RASAL2: variants seen among roughly 807,000 people sequenced by gnomAD.
RASAL2 encodes RAS protein activator like 2.
In RASAL2, 58 loss-of-function variants were observed where a neutral mutation model predicts 128.9. The ratio of observed to expected loss-of-function variants is 0.45; its 90% CI spans 0.36 to 0.56. RASAL2 has a LOEUF of 0.56. Among genes scored for constraint, RASAL2 ranks in the 20% least tolerant of loss-of-function variants. The pLI is 0.00. For synonymous variants in RASAL2, 561 were observed against 580.8 expected, an observed-to-expected ratio of 0.97 and a Z score of 0.49; for missense variants, 1,360 against 1,601.6, an observed-to-expected ratio of 0.85 and a Z score of 2.57.
intron 3 of RASAL2, among the ~76,000 whole-genome samples, chr1:178,370,651 C>T (rs1003729102): frequency 6.6e-6 from 1 of 152,156 alleles, no homozygotes; most frequent in Non-Finnish European, 1.5e-5. Context: ...CCTGGCATCT[C>T]CTGCCAGTGT....
intron 3 of RASAL2, among the ~76,000 whole-genome samples, chr1:178,345,321 C>CT (rs1179680253): frequency 2.0e-5 from 3 of 152,080 alleles, no homozygotes; most frequent in African/African-American, 7.2e-5. Flanking sequence ...TCTGCTTGCT[C>CT]TTTCTAATGT....
chr1:178,259,316 A>C (rs1284938627), intron 1 of RASAL2, among the ~76,000 whole-genome samples: 1 of 151,152 alleles, frequency 6.6e-6, no homozygotes, highest in Non-Finnish European at 1.5e-5. Flanking sequence ...TATTTTTAGT[A>C]GAGACGGGGT....
At chr1:178,103,401 G>A (rs1419406939) in intron 1 of RASAL2, among the ~76,000 whole-genome samples, 1 of 152,010 alleles carries the variant, frequency 6.6e-6, no homozygotes, top group Non-Finnish European at 1.5e-5. Flanking sequence ...AAAATACATA[G>A]AATTGCTAGG....
chr1:178,394,739 C>T (rs1557954268), intron 4 of RASAL2, among the ~76,000 whole-genome samples: 2 of 152,156 alleles, frequency 1.3e-5, no homozygotes, highest in African/African-American at 4.8e-5. Context: ...GCCAAGACAT[C>T]CAGAAAGCAT....
chr1:178,243,561 C>T (rs960852963), intron 1 of RASAL2, among the ~76,000 whole-genome samples: 2 of 149,110 alleles, frequency 1.3e-5, no homozygotes, highest in African/African-American at 5.0e-5. Context: ...GCCTCCCCAT[C>T]ATTACCCCTT....
In RASAL2 at chr1:178,426,268, T is replaced by C. The variant is rs146961921; in HGVS notation, c.674+5648T>C. Among the ~76,000 whole-genome samples, 1,057 of 152,262 alleles carry C rather than the reference T, an allele frequency of 6.9e-3. 10 individuals carry two copies. Among genetic ancestry groups the C allele is most frequent in the African/African-American group, 0.022 (931 of 41,552 alleles). The stretch of plus-strand genomic sequence containing the variant: ...ACCCAAATGCCCATCAGCTGATCAA[T>C]AGATATACAAAAACATGATATACCC... On this transcript the variant is annotated intron_variant, in intron 5 of 17. Coordinates refer to ENST00000367649, the MANE Select transcript of RASAL2 (RefSeq NM_170692.4).
intron 1 of RASAL2, among the ~76,000 whole-genome samples, chr1:178,189,337 T>A (rs2101944087): frequency 6.6e-6 from 1 of 152,294 alleles, no homozygotes; most frequent in Admixed American, 6.5e-5. Context: ...GTTGTAGGAC[T>A]GTGTGGTAGA....
At chr1:178,096,370 C>T (rs988607865) in intron 1 of RASAL2, among the ~76,000 whole-genome samples, 1 of 151,950 alleles carries the variant, frequency 6.6e-6, no homozygotes, top group African/African-American at 2.4e-5. Flanking sequence ...TGTTAACTAT[C>T]GTTCTTCATT....
intron 1 of RASAL2, among the ~76,000 whole-genome samples, chr1:178,136,990 T>C (rs1660351272): frequency 6.6e-6 from 1 of 152,094 alleles, no homozygotes; most frequent in East Asian, 1.9e-4. Context: ...GAAAGGTAAG[T>C]AGGAGCCAGA....
chr1:178,411,899 G>A (rs752277736), intron 4 of RASAL2: 35 of 692,108 alleles, frequency 5.1e-5, no homozygotes, highest in South Asian at 4.5e-4. Context: ...GGGGCCAGTC[G>A]GCCTTCAGAG....
chr1:178,379,078 G>C (rs548092648), intron 3 of RASAL2, among the ~76,000 whole-genome samples: 44 of 152,142 alleles, frequency 2.9e-4, no homozygotes, highest in African/African-American at 1.1e-3. Flanking sequence ...TAGAAAATTA[G>C]AGAATTGAAA....
At chr1:178,107,920 G>C (rs1220523523) in intron 1 of RASAL2, among the ~76,000 whole-genome samples, 3 of 151,940 alleles carry the variant, frequency 2.0e-5, no homozygotes, top group Non-Finnish European at 4.4e-5. Flanking sequence ...TATGAGCTTT[G>C]GTATACAAAT....
At chr1:178,424,577 T>C (rs945477094) in intron 5 of RASAL2, among the ~76,000 whole-genome samples, 6 of 152,194 alleles carry the variant, frequency 3.9e-5, no homozygotes, top group Admixed American at 1.3e-4. Context: ...TTCTCCTGCC[T>C]CAGCCTCCTG....
At chr1:178,324,739 CTT>C (rs1668954844) in intron 3 of RASAL2, among the ~76,000 whole-genome samples, 1 of 152,042 alleles carries the variant, frequency 6.6e-6, no homozygotes, top group Non-Finnish European at 1.5e-5. Flanking sequence ...ATATGGCTCT[CTT>C]TTTAGGTAGC....
chr1:178,358,209 C>T (rs1488483948), intron 3 of RASAL2, among the ~76,000 whole-genome samples: 1 of 139,704 alleles, frequency 7.2e-6, no homozygotes, highest in Non-Finnish European at 1.5e-5. Context: ...GTTCTCCAGC[C>T]TCCGTGACAG....
At chr1:178,180,663 TCACACACACA>T (rs3979280) in intron 1 of RASAL2, among the ~76,000 whole-genome samples, 4 of 139,158 alleles carry the variant, frequency 2.9e-5, no homozygotes, top group Non-Finnish European at 6.1e-5. Flanking sequence ...CGAGACTGTC[TCACACACACA>T]CACACACACA....
intron 16 of RASAL2, 24 bp downstream of exon 16, chr1:178,466,146 T>TA (rs1302457519): frequency 6.6e-7 from 1 of 1,525,386 alleles, no homozygotes; most frequent in Non-Finnish European, 8.8e-7. Flanking sequence ...TGGCAGCAGA[T>TA]GTGGGCTAGT....
At chr1:178,195,301 C>T (rs902764491) in intron 1 of RASAL2, among the ~76,000 whole-genome samples, 3 of 152,114 alleles carry the variant, frequency 2.0e-5, no homozygotes, top group South Asian at 2.1e-4. Context: ...CCATAGTAGG[C>T]GTTTATTAAA....
In RASAL2 at chr1:178,365,429, CTGTTATGTTATGTTA is replaced by C. The variant is rs71567192; in HGVS notation, c.458-24624_458-24610del. Among the ~76,000 whole-genome samples, 1,184 of 141,600 alleles carry C rather than the reference CTGTTATGTTATGTTA, an allele frequency of 8.4e-3. 8 individuals are homozygous for C. Among genetic ancestry groups the C allele is most frequent in the East Asian group, 0.031 (150 of 4,772 alleles). The allele number at this position is 141,600 out of a possible 152,430, so 92.9% of individuals were successfully genotyped here. ...ATCATGGTATCTATCCTCTAGTTGCCTGTTATGTTATGTTATGTTATGTTATGTTATGTTATGTTA... is the reference window on the plus strand; with the variant it reads ...ATCATGGTATCTATCCTCTAGTTGCCTGTTATGTTATGTTATGTTATGTTA... On this transcript the variant is annotated intron_variant, in intron 3 of 17. Transcript: ENST00000367649.
Sources: allele counts gnomAD v4.1 joint callset (sites outside exome capture counted in the v4.1 genomes callset), GRCh38; gene constraint gnomAD v4.1.1; transcripts MANE v1.5; gene names NCBI Gene and HGNC (gene_info 2026-07-23, HGNC 2026-07-21).